Variants in NRXN1 observed in about 807,000 individuals in gnomAD.
The protein encoded by NRXN1 is neurexin-1.
Under a neutral mutation model 150.9 loss-of-function variants are expected in NRXN1, and 39 were observed. The ratio of observed to expected loss-of-function variants is 0.26; its 90% CI spans 0.20 to 0.34. NRXN1 has a LOEUF of 0.34. Ranked by LOEUF, NRXN1 falls within the 10% of genes least tolerant of loss-of-function variation. The pLI, the probability that NRXN1 is intolerant of heterozygous loss-of-function variation, is 1.00. For missense variants in NRXN1, 1,815 were observed against 1,949.9 expected (o/e 0.93, Z 1.30); for synonymous variants, 924 against 757.0 (o/e 1.22, Z -3.62).
At chr2:51,005,271 T>G (rs150470010) in intron 2 of NRXN1, among the ~76,000 whole-genome samples, 3 of 152,116 alleles carry the variant, frequency 2.0e-5, no homozygotes, top group South Asian at 2.1e-4. Context: ...GAAAAAAATC[T>G]ACACATTTTT....
At chr2:50,978,414 T>C (rs1033908528) in intron 2 of NRXN1, among the ~76,000 whole-genome samples, 5 of 150,238 alleles carry the variant, frequency 3.3e-5, no homozygotes, top group African/African-American at 9.7e-5. Flanking sequence ...GTCAACAATA[T>C]GTATTTGTAT....
At chr2:50,323,416 G>A (rs951331635) in intron 17 of NRXN1, among the ~76,000 whole-genome samples, 2 of 152,050 alleles carry the variant, frequency 1.3e-5, no homozygotes, top group Non-Finnish European at 2.9e-5. Flanking sequence ...CTCCCACTAT[G>A]AGACTAGAAC....
At chr2:50,556,310 G>GA (rs1668247354) in intron 8 of NRXN1, among the ~76,000 whole-genome samples, 1 of 152,000 alleles carries the variant, frequency 6.6e-6, no homozygotes, top group Admixed American at 6.6e-5. Context: ...GCTTCTTTCT[G>GA]AAACAATGTG....
intron 17 of NRXN1, among the ~76,000 whole-genome samples, chr2:50,387,428 G>T (rs1341973990): frequency 6.6e-6 from 1 of 152,106 alleles, no homozygotes; most frequent in Non-Finnish European, 1.5e-5. Flanking sequence ...TGTTCTCAGT[G>T]CCCTCAGGCC....
At chr2:50,045,821 T>C (rs1363731697) in intron 21 of NRXN1, among the ~76,000 whole-genome samples, 2 of 152,200 alleles carry the variant, frequency 1.3e-5, no homozygotes, top group African/African-American at 2.4e-5. Flanking sequence ...CACTGTCATG[T>C]ATCGACTAGG....
At chr2:51,019,897 G>A (rs1334578705) in intron 2 of NRXN1, among the ~76,000 whole-genome samples, 2 of 151,902 alleles carry the variant, frequency 1.3e-5, no homozygotes, top group Non-Finnish European at 2.9e-5. Flanking sequence ...AAATAGGTCT[G>A]CTCTCTGGAA....
chr2:50,501,202 G>A (rs370147951), intron 13 of NRXN1, among the ~76,000 whole-genome samples: 19 of 152,122 alleles, frequency 1.2e-4, no homozygotes, highest in African/African-American at 2.4e-4. Flanking sequence ...AAGGGGAGAC[G>A]GATGAAGGAA....
intron 15 of NRXN1, among the ~76,000 whole-genome samples, chr2:50,480,630 G>T (rs1027094224): frequency 1.3e-5 from 2 of 152,286 alleles, no homozygotes; most frequent in African/African-American, 4.8e-5. Context: ...GTTTGCAGAT[G>T]TTTCACTCCT....
chr2:50,168,229 T>C (rs2059805602), intron 18 of NRXN1, among the ~76,000 whole-genome samples: 1 of 152,158 alleles, frequency 6.6e-6, no homozygotes, highest in Non-Finnish European at 1.5e-5. Context: ...GCATTGCAAA[T>C]ACTGGACTGT....
At chr2:49,927,738 A>T (rs1302154703) in intron 22 of NRXN1, among the ~76,000 whole-genome samples, 1 of 152,128 alleles carries the variant, frequency 6.6e-6, no homozygotes, top group Non-Finnish European at 1.5e-5. Flanking sequence ...GGGTGGTGGG[A>T]CCTTATCTTT....
At chr2:50,098,844 T>TGGC (rs1340033312) in intron 18 of NRXN1, among the ~76,000 whole-genome samples, 1 of 9,238 alleles carries the variant, frequency 1.1e-4, no homozygotes, top group Non-Finnish European at 3.2e-4. Context: ...TTTTTTTTTT[T>TGGC]TTTTTTTTTT....
At chr2:50,805,483 A>T (rs1667395686) in intron 5 of NRXN1, among the ~76,000 whole-genome samples, 1 of 151,944 alleles carries the variant, frequency 6.6e-6, no homozygotes, top group Non-Finnish European at 1.5e-5. Flanking sequence ...GGCAAACCCC[A>T]TCATTACTAA....
chr2:49,967,079 A>G (rs1378235190), intron 21 of NRXN1, among the ~76,000 whole-genome samples: 3 of 152,148 alleles, frequency 2.0e-5, no homozygotes, highest in Non-Finnish European at 4.4e-5. Flanking sequence ...AAATTTCCCA[A>G]AGTAGTCTTA....
intron 21 of NRXN1, among the ~76,000 whole-genome samples, chr2:49,961,513 A>T (rs886445667): frequency 1.3e-5 from 2 of 152,104 alleles, no homozygotes; most frequent in Non-Finnish European, 2.9e-5. Flanking sequence ...TGTCAACTAG[A>T]TCTAAAAAGA....
At chr2:50,555,103 C>G (rs1354537550) in intron 8 of NRXN1, among the ~76,000 whole-genome samples, 1 of 152,126 alleles carries the variant, frequency 6.6e-6, no homozygotes, top group Non-Finnish European at 1.5e-5. Flanking sequence ...TTTCATGCTA[C>G]TTAAACCTAT....
intron 5 of NRXN1, among the ~76,000 whole-genome samples, chr2:50,895,349 T>C (rs1681759067): frequency 6.6e-6 from 1 of 152,126 alleles, no homozygotes; most frequent in African/African-American, 2.4e-5. Context: ...TGCCTCTACA[T>C]ATTGGATATT....
intron 17 of NRXN1, among the ~76,000 whole-genome samples, chr2:50,433,056 G>A (rs902212038): frequency 6.6e-6 from 1 of 152,108 alleles, no homozygotes; most frequent in Non-Finnish European, 1.5e-5. Flanking sequence ...ATGATACATA[G>A]AAGGAAACAC....
intron 5 of NRXN1, among the ~76,000 whole-genome samples, chr2:50,717,969 T>C (rs185990677): frequency 5.3e-4 from 81 of 152,280 alleles, no homozygotes; most frequent in African/African-American, 1.9e-3. Flanking sequence ...CACAAATGAA[T>C]TGGGAAGGCG....
chr2:50,926,098 A>C, intron 2 of NRXN1, 143 bp from the exon 3 acceptor site: 1 of 702,158 alleles, frequency 1.4e-6, no homozygotes, highest in Non-Finnish European at 2.6e-6. Flanking sequence ...TTCAAGGGGG[A>C]AAACAAAATC....
Sources: allele counts gnomAD v4.1 joint callset (sites outside exome capture counted in the v4.1 genomes callset), GRCh38; gene constraint gnomAD v4.1.1; transcripts MANE v1.5; gene names NCBI Gene and HGNC (gene_info 2026-07-23, HGNC 2026-07-21).